GNAS-AS1: variants seen among roughly 807,000 people sequenced by gnomAD.
GNAS-AS1 encodes GNAS antisense RNA 1 (non-protein coding).
At chr20:58,821,399 G>C (rs1235174817) in intron 4 of GNAS-AS1, among the ~76,000 whole-genome samples, 1 of 152,174 alleles carries the variant, frequency 6.6e-6, no homozygotes, top group Non-Finnish European at 1.5e-5. Context: ...GCGACCTCTG[G>C]AGCCTGACCA....
chr20:58,846,511 T>A (rs544980382), intron 2 of GNAS-AS1, among the ~76,000 whole-genome samples: 2 of 152,152 alleles, frequency 1.3e-5, no homozygotes, highest in African/African-American at 4.8e-5. Flanking sequence ...ATTGCTACAC[T>A]CAAAGAGAAA....
At chr20:58,850,181 A>G (rs1361969330) in intron 1 of GNAS-AS1, among the ~76,000 whole-genome samples, 1 of 152,116 alleles carries the variant, frequency 6.6e-6, no homozygotes, top group Non-Finnish European at 1.5e-5. Context: ...TTGGAGGCCC[A>G]TATAAAAAGT....
At chr20:58,849,787 G>T (rs1454290075) in intron 1 of GNAS-AS1, among the ~76,000 whole-genome samples, 1 of 152,184 alleles carries the variant, frequency 6.6e-6, no homozygotes, top group Non-Finnish European at 1.5e-5. Flanking sequence ...ACCGTGCTAG[G>T]TCTCTCCTTT....
At chr20:58,843,814 C>A (rs1470717149) in intron 2 of GNAS-AS1, among the ~76,000 whole-genome samples, 1 of 152,166 alleles carries the variant, frequency 6.6e-6, no homozygotes, top group Non-Finnish European at 1.5e-5. Context: ...CTTATCTGAG[C>A]TGGGAATTTA....
intron 4 of GNAS-AS1, among the ~76,000 whole-genome samples, chr20:58,820,596 T>G (rs185771432): frequency 6.4e-4 from 98 of 152,348 alleles, no homozygotes; most frequent in Middle Eastern, 3.4e-3. Flanking sequence ...ACACTGCTGA[T>G]AAAAACAAAC....
chr20:58,840,856 G>T lies in GNAS-AS1; in HGVS notation n.819+1081C>A, dbSNP rs78536121. 2 of 1,612,780 alleles carry T rather than the reference G, an allele frequency of 1.2e-6. No individual in the cohort carries two copies. Among genetic ancestry groups the T allele is most frequent in the South Asian group, 2.2e-5 (2 of 91,076 alleles). On this transcript the variant is annotated intron_variant and non_coding_transcript_variant, in intron 4 of 4. Coordinates refer to ENST00000424094, the Ensembl canonical transcript of GNAS-AS1. The surrounding 1 kb of genome is among the most constrained non-coding windows in gnomAD (Gnocchi z 6.0). ...TCCGGCGTCACTAATGGAGGACGCC[G>T]TCCAGATTCTCCTTGTTTTCATGGA...
rs200003575 is a variant in GNAS-AS1, at chr20:58,840,306, C to G, written n.819+1631G>C. On this transcript the variant is annotated intron_variant and non_coding_transcript_variant, in intron 4 of 4. Transcript: ENST00000424094. The surrounding 1 kb of genome is among the most constrained non-coding windows in gnomAD (Gnocchi z 6.0). ...CAACAGCGCCGGAGCTTCCTTAACG[C>G]CCACCACCGCTCCGGCGCCCAGGTA... is the stretch of plus-strand genomic sequence containing the variant. The G allele has an allele frequency of 6.2e-7, 1 of 1,612,744 alleles. No homozygotes were observed. Among genetic ancestry groups the G allele is most frequent in the East Asian group, 2.2e-5 (1 of 44,870 alleles).
At chr20:58,822,030 C>T (rs1374884132) in intron 4 of GNAS-AS1, among the ~76,000 whole-genome samples, 2 of 152,166 alleles carry the variant, frequency 1.3e-5, no homozygotes, top group East Asian at 1.9e-4. Flanking sequence ...GATGCACAGA[C>T]GTTAAGTGGC....
chr20:58,825,050 C>T (rs906324273), intron 4 of GNAS-AS1, among the ~76,000 whole-genome samples: 3 of 152,310 alleles, frequency 2.0e-5, no homozygotes, highest in Admixed American at 6.5e-5. Flanking sequence ...TGGCTGCGTC[C>T]GCAAACATAA....
rs201174401 is a variant in GNAS-AS1 at position 58,831,324 on chromosome 20, C to CTT, written n.819+10611_819+10612dup. 2.0e-5 allele frequency among the ~76,000 whole-genome samples: 3 copies of CTT among 151,258 alleles called. No individual in the cohort carries two copies. In the East Asian group the frequency reaches 5.8e-4, roughly 29 times the overall value. On this transcript the variant is annotated intron_variant and non_coding_transcript_variant, in intron 4 of 4. Coordinates refer to ENST00000424094, the Ensembl canonical transcript of GNAS-AS1. ...TCACATCGGGTTGCCAGCTGTTTTG[C>CTT]TTTTTTTTAAAAAAATCTGCTAGAT...
intron 4 of GNAS-AS1, among the ~76,000 whole-genome samples, chr20:58,821,856 G>A (rs2085489542): frequency 6.6e-6 from 1 of 152,130 alleles, no homozygotes; most frequent in East Asian, 1.9e-4. Context: ...CTCAGGGGCC[G>A]CCTGAGGCCC....
At chr20:58,829,849 C>T (rs144696044) in intron 4 of GNAS-AS1, among the ~76,000 whole-genome samples, 146 of 152,222 alleles carry the variant, frequency 9.6e-4, no homozygotes, top group South Asian at 3.1e-3. Context: ...CCTTCCTTAG[C>T]GCGATGACTC....
intron 2 of GNAS-AS1, among the ~76,000 whole-genome samples, chr20:58,845,859 G>C (rs2085922131): frequency 6.6e-6 from 1 of 152,244 alleles, no homozygotes; most frequent in South Asian, 2.1e-4. Context: ...TCAGCCAGCA[G>C]AGGCAGGACT....
intron 4 of GNAS-AS1, among the ~76,000 whole-genome samples, chr20:58,820,719 C>T (rs2085480087): frequency 6.6e-6 from 1 of 152,264 alleles, no homozygotes; most frequent in Non-Finnish European, 1.5e-5. Context: ...TCACATCTTA[C>T]ATGGATGGCA....
rs1863897393 is a variant in GNAS-AS1, at chr20:58,841,214, C to T, written n.819+723G>A. The stretch of plus-strand genomic sequence containing the variant: ...CCAGATTTGGAGCTGCACACCCAAA[C>T]GGCATTGGTAAGTCACTTGTTTTGC... On this transcript the variant is annotated intron_variant and non_coding_transcript_variant, in intron 4 of 4. Transcript: ENST00000424094. This position sits in a 1 kb window ranked among gnomAD's most constrained non-coding sequence, Gnocchi z 5.0. 16 of 658,496 alleles carry T rather than the reference C, an allele frequency of 2.4e-5. No homozygotes were observed. In the South Asian group the frequency reaches 4.2e-4, roughly 17 times the overall value. The allele number at this position is 658,496 out of a possible 1,614,324, so 40.8% of individuals were successfully genotyped here.
intron 4 of GNAS-AS1, among the ~76,000 whole-genome samples, chr20:58,827,628 G>A (rs2085529904): frequency 6.6e-6 from 1 of 152,220 alleles, no homozygotes; most frequent in Admixed American, 6.5e-5. Flanking sequence ...CCCAGACGAT[G>A]AGGTGATGGT....
At position 58,841,729 on chromosome 20, in the gene GNAS-AS1, G is replaced by A. The variant is rs2085737799; in HGVS notation, n.819+208C>T. On this transcript the variant is annotated intron_variant and non_coding_transcript_variant, in intron 4 of 4. Transcript: ENST00000424094. The surrounding 1 kb of genome is among the most constrained non-coding windows in gnomAD (Gnocchi z 5.0). The stretch of plus-strand genomic sequence containing the variant: ...GATGCCCCTACGGGCTACCAGGGTT[G>A]AACGCACAGGCATGGTCACGTCGGG... 1.6e-6 allele frequency: 2 copies of A among 1,224,472 alleles called. No individual in the cohort carries two copies. The highest frequency in any genetic ancestry group is 3.2e-5 in the East Asian group (1 of 31,326). 75.9% of individuals were successfully genotyped at this position (1,224,472 alleles called of 1,614,324 possible). A position where few individuals can be genotyped will look rare whatever the true frequency, so the allele number is the denominator to read the frequency against.
chr20:58,833,152 T>C (rs753891984), intron 4 of GNAS-AS1, among the ~76,000 whole-genome samples: 11 of 152,274 alleles, frequency 7.2e-5, no homozygotes, highest in Non-Finnish European at 1.0e-4. Context: ...AAATCTCACA[T>C]GCCTCAATGC....
At chr20:58,831,640 A>C (rs958777267) in intron 4 of GNAS-AS1, among the ~76,000 whole-genome samples, 3 of 152,214 alleles carry the variant, frequency 2.0e-5, no homozygotes, top group Non-Finnish European at 4.4e-5. Context: ...CAAAAACAAA[A>C]AAAAACAAAA....
Sources: allele counts gnomAD v4.1 joint callset (sites outside exome capture counted in the v4.1 genomes callset), GRCh38; gene constraint gnomAD v4.1.1; non-coding constraint Gnocchi (gnomAD v3.1); transcripts MANE v1.5; gene names NCBI Gene and HGNC (gene_info 2026-07-23, HGNC 2026-07-21).